Variants in AFF4 observed in about 807,000 individuals in gnomAD.
AFF4 encodes AF4/FMR2 family member 4.
AFF4 carries 13 observed loss-of-function variants against 124.8 expected under a neutral mutation model. The ratio of observed to expected loss-of-function variants is 0.10; its 90% confidence interval spans 0.07 to 0.17. The LOEUF (loss-of-function observed/expected upper bound fraction) is 0.17. Ranked by LOEUF, AFF4 falls within the 10% of genes least tolerant of loss-of-function variation. The pLI is 1.00. For synonymous variants in AFF4, 477 were observed against 496.1 expected (o/e 0.96, Z 0.51); for missense variants, 1,092 against 1,403.8 (o/e 0.78, Z 3.55).
At chr5:132,902,416 T>C in intron 7 of AFF4, 26 bp downstream of exon 7, 1 of 1,554,944 alleles carries the variant, frequency 6.4e-7, no homozygotes, top group Non-Finnish European at 8.9e-7. Context: ...ATGATAAATA[T>C]TAAACTCATT....
At chr5:132,888,965 G>A in intron 14 of AFF4, 114 bp downstream of exon 14, 1 of 925,460 alleles carries the variant, frequency 1.1e-6, no homozygotes, top group Non-Finnish European at 1.7e-6. Flanking sequence ...AAAAGAGCTG[G>A]GATTACAAGC....
intron 14 of AFF4, among the ~76,000 whole-genome samples, chr5:132,888,855 G>A (rs540166151): frequency 6.6e-6 from 1 of 152,120 alleles, no homozygotes; most frequent in South Asian, 2.1e-4. Context: ...GTACCACCAC[G>A]CCCAGCTAAT....
chr5:132,927,860 G>A (rs1761214487), intron 4 of AFF4, among the ~76,000 whole-genome samples: 1 of 152,148 alleles, frequency 6.6e-6, no homozygotes, highest in Non-Finnish European at 1.5e-5. Flanking sequence ...AGAAAAGCAA[G>A]ACCCTAAGTT....
At chr5:132,888,453 G>A (rs967523379) in intron 14 of AFF4, among the ~76,000 whole-genome samples, 4 of 151,974 alleles carry the variant, frequency 2.6e-5, no homozygotes, top group Admixed American at 2.6e-4. Context: ...GTGAGTAGGA[G>A]AAATTACCTT....
At chr5:132,901,957 A>AAACACAGAC (rs1760562767) in intron 7 of AFF4, among the ~76,000 whole-genome samples, 1 of 152,222 alleles carries the variant, frequency 6.6e-6, no homozygotes, top group Non-Finnish European at 1.5e-5. Flanking sequence ...TGAGCAGTCA[A>AAACACAGAC]AACACAGACT....
chr5:132,919,628 T>G (rs1760992757), intron 5 of AFF4, among the ~76,000 whole-genome samples: 1 of 152,116 alleles, frequency 6.6e-6, no homozygotes, highest in South Asian at 2.1e-4. Context: ...GGCAGGTGGA[T>G]CATTTAAGCT....
chr5:132,949,329 A>C (rs1235799533), intron 1 of AFF4, among the ~76,000 whole-genome samples: 1 of 151,094 alleles, frequency 6.6e-6, no homozygotes, highest in Non-Finnish European at 1.5e-5. Context: ...CTACAAGCAT[A>C]AGCCATCATA....
rs540632361 is a variant in AFF4, at chr5:132,880,363, TCA to T, written c.*694_*695del. Reference sequence around the variant, plus strand: ...TTGCTGTAGTGTTATTAACACACATTCACAGTTTTTGAAATAATGCATACCAA... The same window carrying T: ...TTGCTGTAGTGTTATTAACACACATTCAGTTTTTGAAATAATGCATACCAA... On this transcript the variant is annotated 3_prime_UTR_variant, in exon 21 of 21. Coordinates refer to ENST00000265343, the MANE Select transcript of AFF4 (RefSeq NM_014423.4). 2.5e-4 allele frequency: 101 copies of T among 398,918 alleles called. No individual in the cohort carries two copies. Among genetic ancestry groups the T allele is most frequent in the East Asian group, 1.5e-3 (41 of 28,024 alleles). 24.7% of individuals were successfully genotyped at this position (398,918 alleles called of 1,614,324 possible). A position where few individuals can be genotyped will look rare whatever the true frequency, so the allele number is the denominator to read the frequency against.
intron 5 of AFF4, among the ~76,000 whole-genome samples, chr5:132,914,350 C>G (rs967990516): frequency 6.6e-6 from 1 of 152,230 alleles, no homozygotes; most frequent in East Asian, 1.9e-4. Flanking sequence ...CGCCTGTAAT[C>G]CCAGCATTTT....
rs1449296586 is a variant in AFF4 at position 132,883,407 on chromosome 5, G to T, written c.3297C>A (p.Val1099=). 1 of 1,614,060 alleles carries T rather than the reference G, an allele frequency of 6.2e-7. No homozygotes were observed. The change falls in exon 20 of 21, where the codon GTC becomes GTA. Residue 1099 remains valine (V), a synonymous_variant. Transcript: ENST00000265343. ...CGGTGGCATAGAGGAAGTTGGATGT[G>T]ACCTGAACATAGCTGGCTGCCATCT... ...IHQMAASYVQ[V]TSNFLYATEI...
rs769232005 is a variant in AFF4 at position 132,886,413 on chromosome 5, G to A, written c.3006-10C>T. ...AGACTCGCATCGCAGGCTAGCCAAT[G>A]GAAAAGGGCGGCTTATTTACCAGGA... On this transcript the variant is annotated splice_polypyrimidine_tract_variant and intron_variant, in intron 17 of 20. Coordinates refer to ENST00000265343, the MANE Select transcript of AFF4 (RefSeq NM_014423.4). 1 of 1,612,948 alleles carries A rather than the reference G, an allele frequency of 6.2e-7. No individual in the cohort carries two copies. The highest frequency in any genetic ancestry group is 8.5e-7 in the Non-Finnish European group (1 of 1,179,482).
At chr5:132,958,262 A>C (rs1762004833) in intron 1 of AFF4, among the ~76,000 whole-genome samples, 1 of 152,080 alleles carries the variant, frequency 6.6e-6, no homozygotes, top group South Asian at 2.1e-4. Flanking sequence ...TAAAAGAGGT[A>C]CACCAGCCTG....
chr5:132,935,800 G>A (rs1392896542), intron 2 of AFF4, among the ~76,000 whole-genome samples: 1 of 151,378 alleles, frequency 6.6e-6, no homozygotes, highest in East Asian at 1.9e-4. Context: ...GTGCACGCCT[G>A]TAATCCCAGC....
chr5:132,927,123 T>C lies in AFF4; in HGVS notation c.1048A>G (p.Lys350Glu), dbSNP rs766606217. 1.7e-5 allele frequency: 27 copies of C among 1,611,430 alleles called. No individual in the cohort carries two copies. In the South Asian group the frequency reaches 2.9e-4, roughly 17 times the overall value. The change falls in exon 5 of 21, where the codon AAG becomes GAG. Residue 350 changes from lysine to glutamate, a missense_variant and splice_region_variant. Lys to Glu is a moderately conservative substitution (Grantham distance 56). Coordinates refer to ENST00000265343, the MANE Select transcript of AFF4 (RefSeq NM_014423.4). ...TEPSKFPFPT[K>E]ESQQSNFGTG... ...AAAGATACATTTTATTTACTTACCT[T>C]AGTTGGAAAAGGAAATTTGGAAGGT...
At position 132,878,149 on chromosome 5, in the gene AFF4, A is replaced by G; in HGVS notation, c.*2910T>C. 1 of 228,124 alleles carries G rather than the reference A, an allele frequency of 4.4e-6. No homozygotes were observed. The highest frequency in any genetic ancestry group is 8.7e-6 in the Non-Finnish European group (1 of 114,770). 14.1% of individuals were successfully genotyped at this position (228,124 alleles called of 1,614,324 possible). On this transcript the variant is annotated 3_prime_UTR_variant, in exon 21 of 21. Coordinates refer to ENST00000265343, the MANE Select transcript of AFF4 (RefSeq NM_014423.4). ...AATGGGCTGGATGCTCTCTAGCCAG[A>G]CTGGAGCCTGGGCTGAGCTGTGGAA...
intron 5 of AFF4, among the ~76,000 whole-genome samples, chr5:132,913,582 T>C (rs888030672): frequency 4.6e-5 from 7 of 152,266 alleles, no homozygotes; most frequent in Middle Eastern, 3.4e-3. Flanking sequence ...TAGTTGCAAC[T>C]GCAGGTGCCC....
At chr5:132,935,696 G>T in intron 2 of AFF4, among the ~76,000 whole-genome samples, 1 of 151,326 alleles carries the variant, frequency 6.6e-6, no homozygotes, top group Non-Finnish European at 1.5e-5. Flanking sequence ...GCTTGAACCC[G>T]GGAAGCAGAG....
At chr5:132,942,823 G>A (rs1761605172) in intron 1 of AFF4, 1 of 160,318 alleles carries the variant, frequency 6.2e-6, no homozygotes, top group South Asian at 1.6e-4. Context: ...TGGGTGCAGT[G>A]GCTCATGCCT....
Position 132,887,902 on chromosome 5 carries a change from A to T in AFF4, c.2877T>A (p.Asn959Lys). The T allele has an allele frequency of 6.2e-7, 1 of 1,613,920 alleles. No individual in the cohort carries two copies. The highest frequency in any genetic ancestry group is 8.5e-7 in the Non-Finnish European group (1 of 1,179,972). ...GGAATGGGGATTTGGATTCCTGAGC[A>T]TTCTTCTCTAATGCATTCCCACATT... ...FIECGNALEK[N>K]AQESKSPFPM... Residue 959 changes from asparagine to lysine, a missense_variant, in exon 16 of 21, where the codon AAT becomes AAA. Asn to Lys is a moderately conservative substitution (Grantham distance 94). Transcript: ENST00000265343.
Sources: gnomAD v4.1 joint callset for allele counts (sites outside exome capture counted in the v4.1 genomes callset) on GRCh38, gnomAD v4.1.1 for gene constraint, MANE v1.5 for transcripts, NCBI Gene and HGNC (gene_info 2026-07-23, HGNC 2026-07-21) for gene names.